The following MRPL28 variants were observed in gnomAD, a reference collection of about 807,000 sequenced individuals.
MRPL28 encodes the protein large ribosomal subunit protein bL28m.
In MRPL28, 25 loss-of-function variants were observed where a neutral mutation model predicts 26.2. That is an observed-to-expected ratio of 0.95 (90% CI 0.69 to 1.33). The LOEUF is 1.33. MRPL28 is among the 40% of genes most tolerant of loss of function. MRPL28 has a pLI of 0.00. For synonymous variants in MRPL28, 227 were observed against 140.1 expected, an observed-to-expected ratio of 1.62 and a Z score of -4.38; for missense variants, 432 against 327.2, an observed-to-expected ratio of 1.32 and a Z score of -2.47.
intron 2 of MRPL28, chr16:369,518 C>G: frequency 1.6e-6 from 1 of 619,218 alleles, no homozygotes; most frequent in Middle Eastern, 2.5e-4. Flanking sequence ...TACAGGTTGT[C>G]ACATTCCAAC....
rs1020135249 is a variant in MRPL28 at position 369,132 on chromosome 16, G to A, written c.377C>T (p.Thr126Ile). The A allele has an allele frequency of 1.2e-6, 2 of 1,614,072 alleles. No homozygotes were observed. The highest frequency in any genetic ancestry group is 1.3e-5 in the African/African-American group (1 of 75,048). ...GAGGTCCAGGGTCCGCATGGTCACA[G>A]TCACTGTGAACTTCTTGTCCAGGAT... ...SEILDKKFTV[T>I]VTMRTLDLID... The change falls in exon 3 of 6, where the codon ACT becomes ATT. Residue 126 changes from threonine to isoleucine, a missense_variant. Coordinates refer to ENST00000199706, the MANE Select transcript of MRPL28 (RefSeq NM_006428.5).
intron 3 of MRPL28, 115 bp from the exon 4 acceptor site, chr16:368,750 G>A: frequency 6.8e-7 from 1 of 1,463,660 alleles, no homozygotes; most frequent in South Asian, 1.4e-5. Context: ...GACAGAGAAG[G>A]CCCGGGTGGG....
rs2054307864 is a variant in MRPL28, at chr16:370,082, T to C, written c.137A>G (p.His46Arg). Reference protein sequence around the residue: ...RTPTPVHYRPHGAKFKINPKN... With the variant: ...RTPTPVHYRPRGAKFKINPKN... ...GGGGTTGATCTTGAACTTGGCCCCA[T>C]GAGGCCTATAGTGCACGGGAGTGGG... Residue 46 changes from histidine to arginine, a missense_variant, in exon 2 of 6, where the codon CAT (histidine) becomes CGT (arginine). His to Arg is a conservative substitution (Grantham distance 29). Transcript: ENST00000199706. 6.2e-7 allele frequency: 1 copy of C among 1,612,358 alleles called. No homozygotes were observed. The highest frequency in any genetic ancestry group is 1.1e-5 in the South Asian group (1 of 90,990).
chr16:368,289 C>T (rs1386638459), intron 5 of MRPL28, 39 bp downstream of exon 5: 1 of 1,599,964 alleles, frequency 6.3e-7, no homozygotes, highest in Non-Finnish European at 8.6e-7. Flanking sequence ...GAACACCAGG[C>T]TCTGGGCAGG....
At chr16:369,459 G>T in intron 2 of MRPL28, 1 of 630,902 alleles carries the variant, frequency 1.6e-6, no homozygotes, top group African/African-American at 1.8e-5. Flanking sequence ...TCCCGCCCTG[G>T]TCACATGGTT....
intron 2 of MRPL28, 129 bp downstream of exon 2, chr16:369,802 G>A (rs1430896315): frequency 5.9e-6 from 7 of 1,191,036 alleles, no homozygotes; most frequent in Non-Finnish European, 8.2e-6. Flanking sequence ...TCCTTTGCCG[G>A]AGATGTGTCG....
At chr16:368,719 C>A (rs555029672) in intron 3 of MRPL28, 84 bp from the exon 4 acceptor site, 8 of 1,505,082 alleles carry the variant, frequency 5.3e-6, no homozygotes, top group Admixed American at 2.3e-5. Flanking sequence ...TCCTCTCTAG[C>A]CGCTGGTGGT....
In MRPL28 at chr16:369,972, C is replaced by T. The variant is rs138926638; in HGVS notation, c.247G>A (p.Glu83Lys). 1.9e-6 allele frequency: 3 copies of T among 1,612,568 alleles called. No individual in the cohort carries two copies. Among genetic ancestry groups the T allele is most frequent in the Middle Eastern group, 3.3e-4 (2 of 6,058 alleles). ...TATATTTGGCCCAGGATCCAGCCCT[C>T]GCCGCCCCACAACCCCCGCTGGGAT... Reference protein sequence around the residue: ...PESQRGLWGGEGWILGQIYAN... With the variant: ...PESQRGLWGGKGWILGQIYAN... Residue 83 changes from glutamate to lysine, a missense_variant, in exon 2 of 6, where the codon GAG becomes AAG. Transcript: ENST00000199706.
At chr16:368,871 C>G in intron 3 of MRPL28, 197 bp downstream of exon 3, 15 of 980,460 alleles carry the variant, frequency 1.5e-5, no homozygotes, top group Non-Finnish European at 2.2e-5. Flanking sequence ...CAGCCACCCA[C>G]AGAGCGACAG....
In MRPL28 at chr16:370,215, G is replaced by T. The variant is rs770314662; in HGVS notation, c.4C>A (p.Pro2Thr). The T allele has an allele frequency of 6.3e-7, 1 of 1,577,052 alleles. No individual in the cohort carries two copies. The highest frequency in any genetic ancestry group is 1.1e-5 in the South Asian group (1 of 88,934). ...AGCCACACGGGATACTTGTGTAGAG[G>T]CATCGCGAGCCTGGCGGGAGGTGGG... MPLHKYPVWLWK... is the reference protein window; with the variant it reads MTLHKYPVWLWK... The change falls in exon 2 of 6, where the codon CCT (proline) becomes ACT (threonine). Residue 2 changes from proline to threonine, a missense_variant. Physicochemically the swap from Pro to Thr is conservative, Grantham distance 38 (BLOSUM62 -1). Transcript: ENST00000199706.
At chr16:369,403 C>G in intron 2 of MRPL28, 183 bp from the exon 3 acceptor site, 1 of 713,994 alleles carries the variant, frequency 1.4e-6, no homozygotes, top group South Asian at 1.8e-5. Context: ...GACCCGGGTC[C>G]TGACTGTGTA....
rs200030573 is a variant in MRPL28, at chr16:368,458, G to A, written c.576+43C>T. The A allele has an allele frequency of 6.3e-5, 101 of 1,613,228 alleles. No homozygotes were observed. In the South Asian group the frequency reaches 8.8e-4, roughly 14 times the overall value. On this transcript the variant is annotated intron_variant, in intron 4 of 5. Transcript: ENST00000199706. Reference sequence around the variant, plus strand: ...AAAGGGCAGTGAGGCCCAGGGCCGGGCCACGAGTCCCCAGGTGTAGGGAGC... The same window carrying A: ...AAAGGGCAGTGAGGCCCAGGGCCGGACCACGAGTCCCCAGGTGTAGGGAGC...
Position 370,126 on chromosome 16 carries a change from G to T in MRPL28, c.93C>A (p.Ser31=). 1 of 1,608,292 alleles carries T rather than the reference G, an allele frequency of 6.2e-7. No homozygotes were observed. The highest frequency in any genetic ancestry group is 8.5e-7 in the Non-Finnish European group (1 of 1,178,146). ...GAGTGGGCGTCCGCTCCTCCTCCAG[G>T]GAGCGCAGGTAGTGGCCGGGCAGGC... ...CSRLPGHYLR[S]LEEERTPTPV... is the part of the protein sequence containing the mutation. The change falls in exon 2 of 6, where the codon TCC becomes TCA. Residue 31 remains serine (S), a synonymous_variant. Coordinates refer to ENST00000199706, the MANE Select transcript of MRPL28 (RefSeq NM_006428.5).
chr16:368,806 A>G, intron 3 of MRPL28, 171 bp from the exon 4 acceptor site: 1 of 1,144,008 alleles, frequency 8.7e-7, no homozygotes, highest in Middle Eastern at 3.0e-4. Flanking sequence ...GCACAGAAGC[A>G]AGTCCAAGTG....
chr16:369,649 G>A (rs1166436924), intron 2 of MRPL28: 1 of 720,470 alleles, frequency 1.4e-6, no homozygotes, highest in Non-Finnish European at 2.6e-6. Context: ...CACCTGCTCT[G>A]CTCATCACAC....
In MRPL28 at chr16:369,976, G is replaced by T; in HGVS notation, c.243C>A (p.Gly81=). 6.2e-7 allele frequency: 1 copy of T among 1,612,656 alleles called. No individual in the cohort carries two copies. Among genetic ancestry groups the T allele is most frequent in the Non-Finnish European group, 8.5e-7 (1 of 1,179,848 alleles). ...TTTGGCCCAGGATCCAGCCCTCGCC[G>T]CCCCACAACCCCCGCTGGGATTCGG... ...FPPESQRGLW[G]GEGWILGQIY... The change falls in exon 2 of 6, where the codon GGC becomes GGA. Residue 81 remains glycine (G), a synonymous_variant. Coordinates refer to ENST00000199706, the MANE Select transcript of MRPL28 (RefSeq NM_006428.5).
rs1191727639 is a variant in MRPL28 at position 368,401 on chromosome 16, G to A, written c.590C>T (p.Pro197Leu). The change falls in exon 5 of 6, where the codon CCA becomes CTA. Residue 197 changes from proline to leucine, a missense_variant. Pro to Leu is a moderately conservative substitution (Grantham distance 98). Transcript: ENST00000199706. ...IYDKYKEFAIPEEEAEWVGLT... is the reference protein window; with the variant it reads ...IYDKYKEFAILEEEAEWVGLT... ...GCCCACCCACTCTGCCTCCTCCTCT[G>A]GGATGGCAAATTCCTAGGCAGGCAG... The A allele has an allele frequency of 5.0e-6, 8 of 1,613,818 alleles. No homozygotes were observed. The highest frequency in any genetic ancestry group is 1.1e-5 in the South Asian group (1 of 91,078).
intron 3 of MRPL28, 47 bp downstream of exon 3, chr16:369,021 G>A (rs370682990): frequency 8.2e-6 from 13 of 1,592,216 alleles, no homozygotes; most frequent in East Asian, 2.2e-5. Context: ...GAGTCTGACT[G>A]GCCCATCCCA....
At chr16:368,262 G>A (rs2054278780) in intron 5 of MRPL28, 66 bp downstream of exon 5, 2 of 1,564,362 alleles carry the variant, frequency 1.3e-6, no homozygotes, top group Admixed American at 1.7e-5. Context: ...CTCCAAGGCA[G>A]CACACTCCCA....
Sources: gnomAD v4.1 joint callset for allele counts on GRCh38, gnomAD v4.1.1 for gene constraint, MANE v1.5 for transcripts, NCBI Gene and HGNC (gene_info 2026-07-23, HGNC 2026-07-21) for gene names.